The following TMEM240 variants were observed in gnomAD, a reference collection of about 807,000 sequenced individuals.
TMEM240 encodes the protein transmembrane protein 240, also known as transmembrane protein C1orf70.
In TMEM240, 3 loss-of-function variants were observed where a neutral mutation model predicts 19.5. The observed-to-expected ratio is 0.15, with a 90% CI of 0.07 to 0.40. The LOEUF is 0.40. Among genes scored for constraint, TMEM240 ranks in the 10% least tolerant of loss-of-function variants. The probability of loss-of-function intolerance (pLI) is 1.00; values close to 1 mark genes in which losing one functional copy is unlikely to be tolerated. For missense variants in TMEM240, 210 were observed against 253.5 expected (o/e 0.83, Z 1.17); for synonymous variants, 123 against 109.3 (o/e 1.13, Z -0.78).
At position 1,536,163 on chromosome 1, in the gene TMEM240, G is replaced by A. The variant is rs1195239892; in HGVS notation, c.165-366C>T. Among the ~76,000 whole-genome samples, 1 of 152,074 alleles carries A rather than the reference G, an allele frequency of 6.6e-6. No individual in the cohort carries two copies. Among genetic ancestry groups the A allele is most frequent in the Non-Finnish European group, 1.5e-5 (1 of 67,970 alleles). ...TCCCCCGGAGGGGGCTCAGGACGGCGGTCCCCACGGCCAGGGTCACAGCTC... is the reference window on the plus strand; with the variant it reads ...TCCCCCGGAGGGGGCTCAGGACGGCAGTCCCCACGGCCAGGGTCACAGCTC... On this transcript the variant is annotated intron_variant, in intron 2 of 3. Transcript: ENST00000378733. The surrounding 1 kb of genome is among the most constrained non-coding windows in gnomAD (Gnocchi z 5.4).
chr1:1,539,629 C>G, intron 2 of TMEM240, 55 bp downstream of exon 2: 1 of 1,478,640 alleles, frequency 6.8e-7, no homozygotes, highest in African/African-American at 1.4e-5. Flanking sequence ...CCCGAGTGGG[C>G]CCCGCCACAC....
Position 1,535,096 on chromosome 1 carries a change from G to A in TMEM240, c.*263C>T, listed in dbSNP as rs1223188092. 10 of 81,550 alleles carry A rather than the reference G, an allele frequency of 1.2e-4. No individual in the cohort carries two copies. The highest frequency in any genetic ancestry group is 7.1e-4 in the South Asian group (3 of 4,200). The allele number at this position is 81,550 out of a possible 1,614,324, so 5.1% of individuals were successfully genotyped here. A position where few individuals can be genotyped will look rare whatever the true frequency, so the allele number is the denominator to read the frequency against. ...AGGACCCTCCCTGCCCCCCAGCACC[G>A]CTGGGGATGAGTCCGCCCTTGTGTC... On this transcript the variant is annotated 3_prime_UTR_variant, in exon 4 of 4. Coordinates refer to ENST00000378733, the MANE Select transcript of TMEM240 (RefSeq NM_001114748.2). This position sits in a 1 kb window ranked among gnomAD's most constrained non-coding sequence, Gnocchi z 8.2.
At position 1,535,466 on chromosome 1, in the gene TMEM240, C is replaced by G. The variant is rs1481467751; in HGVS notation, c.415G>C (p.Glu139Gln). 1 of 1,548,890 alleles carries G rather than the reference C, an allele frequency of 6.5e-7. No individual in the cohort carries two copies. Among genetic ancestry groups the G allele is most frequent in the East Asian group, 2.4e-5 (1 of 40,856 alleles). Reference sequence around the variant, plus strand: ...GGCCTGTGCGGCCGCCGGCCCAGCTCCCGCAGGCTGCACAGCTTGGGCAGC... The same window carrying G: ...GGCCTGTGCGGCCGCCGGCCCAGCTGCCGCAGGCTGCACAGCTTGGGCAGC... The part of the protein sequence containing the change: ...TWLPKLCSLR[E>Q]LGRRPHRPFE... The change falls in exon 4 of 4, where the codon GAG becomes CAG. Residue 139 changes from glutamate to glutamine, a missense_variant. Around this residue, in one of 3 missense-constraint regions of TMEM240, gnomAD observed 157 missense variants for 168.2 expected, o/e 0.93. Transcript: ENST00000378733. The surrounding 1 kb of genome is among the most constrained non-coding windows in gnomAD (Gnocchi z 8.2).
rs570042280 is a variant in TMEM240 at position 1,536,777 on chromosome 1, C to G, written c.165-980G>C. ...CTGGGAGTGGAGCCCGCGGGCCCCA[C>G]GCGCCTTGCGGTCCACACTCCTGGC... is the stretch of plus-strand genomic sequence containing the variant. On this transcript the variant is annotated intron_variant, in intron 2 of 3. Coordinates refer to ENST00000378733, the MANE Select transcript of TMEM240 (RefSeq NM_001114748.2). This position sits in a 1 kb window ranked among gnomAD's most constrained non-coding sequence, Gnocchi z 5.4. Among the ~76,000 whole-genome samples the G allele has an allele frequency of 6.6e-6, 1 of 152,154 alleles. No individual in the cohort carries two copies. The highest frequency in any genetic ancestry group is 1.9e-4 in the East Asian group (1 of 5,176).
Position 1,535,451 on chromosome 1 carries a change from G to T in TMEM240, c.430C>A (p.Pro144Thr). ...LCSLRELGRRPHRPFEEAAGN... is the reference protein window; with the variant it reads ...LCSLRELGRRTHRPFEEAAGN... ...GCGGCCTCCTCGAAGGGCCTGTGCG[G>T]CCGCCGGCCCAGCTCCCGCAGGCTG... The change falls in exon 4 of 4, where the codon CCG becomes ACG. Residue 144 changes from proline to threonine, a missense_variant. Coordinates refer to ENST00000378733, the MANE Select transcript of TMEM240 (RefSeq NM_001114748.2). The surrounding 1 kb of genome is among the most constrained non-coding windows in gnomAD (Gnocchi z 8.2). The T allele has an allele frequency of 6.5e-7, 1 of 1,548,946 alleles. No homozygotes were observed. Among genetic ancestry groups the T allele is most frequent in the Middle Eastern group, 1.7e-4 (1 of 5,986 alleles).
rs1190976643 is a variant in TMEM240 at position 1,535,429 on chromosome 1, G to T, written c.452C>A (p.Ala151Asp). ...CTTCACGTGTACCATGTTCCCGGCG[G>T]CCTCCTCGAAGGGCCTGTGCGGCCG... is the stretch of plus-strand genomic sequence containing the variant. Reference protein sequence around the residue: ...GRRPHRPFEEAAGNMVHVKQK... With the variant: ...GRRPHRPFEEDAGNMVHVKQK... Residue 151 changes from alanine (A) to aspartate (D), a missense_variant, in exon 4 of 4, where the codon GCC (alanine) becomes GAC (aspartate). Physicochemically the swap from Ala to Asp is moderately radical, Grantham distance 126. Around this residue, in one of 3 missense-constraint regions of TMEM240, gnomAD observed 157 missense variants for 168.2 expected, o/e 0.93. Coordinates refer to ENST00000378733, the MANE Select transcript of TMEM240 (RefSeq NM_001114748.2). The surrounding 1 kb of genome is among the most constrained non-coding windows in gnomAD (Gnocchi z 8.2). The T allele has an allele frequency of 6.5e-7, 1 of 1,549,702 alleles. No individual in the cohort carries two copies. Among genetic ancestry groups the T allele is most frequent in the Non-Finnish European group, 8.7e-7 (1 of 1,146,526 alleles).
chr1:1,539,546 T>A, intron 2 of TMEM240, 138 bp downstream of exon 2: 1 of 720,154 alleles, frequency 1.4e-6, no homozygotes, highest in Admixed American at 2.5e-5. Context: ...AGACAGCTCC[T>A]CCCCCTGCGC....
chr1:1,536,021 G>C lies in TMEM240; in HGVS notation c.165-224C>G, dbSNP rs901351558. On this transcript the variant is annotated intron_variant, in intron 2 of 3. Transcript: ENST00000378733. The surrounding 1 kb of genome is among the most constrained non-coding windows in gnomAD (Gnocchi z 5.4). ...TCAGTGGCCATGGGCTGTGGAGGCC[G>C]AGCGTGAAGTCCGGGCAGACAGCGG... Among the ~76,000 whole-genome samples the C allele has an allele frequency of 6.6e-6, 1 of 152,102 alleles. No homozygotes were observed. Among genetic ancestry groups the C allele is most frequent in the East Asian group, 1.9e-4 (1 of 5,180 alleles).
Position 1,536,696 on chromosome 1 carries a change from G to C in TMEM240, c.165-899C>G, listed in dbSNP as rs899666564. Among the ~76,000 whole-genome samples the C allele has an allele frequency of 6.6e-6, 1 of 152,062 alleles. No homozygotes were observed. Among genetic ancestry groups the C allele is most frequent in the African/African-American group, 2.4e-5 (1 of 41,434 alleles). Reference sequence around the variant, plus strand: ...AAGGTCTCCGGGCCTTGACTCTGCCGATCGGACTGGCATCCCAGACAGTCA... The same window carrying C: ...AAGGTCTCCGGGCCTTGACTCTGCCCATCGGACTGGCATCCCAGACAGTCA... On this transcript the variant is annotated intron_variant, in intron 2 of 3. Coordinates refer to ENST00000378733, the MANE Select transcript of TMEM240 (RefSeq NM_001114748.2). This position sits in a 1 kb window ranked among gnomAD's most constrained non-coding sequence, Gnocchi z 5.4.
At position 1,535,240 on chromosome 1, in the gene TMEM240, C is replaced by T; in HGVS notation, c.*119G>A. The T allele has an allele frequency of 4.0e-6, 5 of 1,242,234 alleles. No homozygotes were observed. The highest frequency in any genetic ancestry group is 5.5e-6 in the Non-Finnish European group (5 of 910,134). The allele number at this position is 1,242,234 out of a possible 1,614,324, so 77.0% of individuals were successfully genotyped here. A position where few individuals can be genotyped will look rare whatever the true frequency, so the allele number is the denominator to read the frequency against. ...TGGACTCTCCCGGCCGGCCACAGCCCCGGACAACCTGGGCCCAGGGCTGCT... is the reference window on the plus strand; with the variant it reads ...TGGACTCTCCCGGCCGGCCACAGCCTCGGACAACCTGGGCCCAGGGCTGCT... On this transcript the variant is annotated 3_prime_UTR_variant, in exon 4 of 4. Transcript: ENST00000378733. The surrounding 1 kb of genome is among the most constrained non-coding windows in gnomAD (Gnocchi z 8.2).
chr1:1,538,739 T>C lies in TMEM240; in HGVS notation c.164+945A>G, dbSNP rs552750719. Among the ~76,000 whole-genome samples, 10 of 152,370 alleles carry C rather than the reference T, an allele frequency of 6.6e-5. No individual in the cohort carries two copies. The South Asian group carries it at 1.9e-3, about 28-fold the overall frequency. On this transcript the variant is annotated intron_variant, in intron 2 of 3. Transcript: ENST00000378733. The stretch of plus-strand genomic sequence containing the variant: ...GACACGCCTGCTGCACCCATAGGCA[T>C]GTCACACGCTTAGCAACACATGCAG...
At position 1,538,392 on chromosome 1, in the gene TMEM240, G is replaced by C. The variant is rs1000385463; in HGVS notation, c.164+1292C>G. Among the ~76,000 whole-genome samples the C allele has an allele frequency of 3.9e-5, 6 of 152,366 alleles. 1 individual carries two copies. The East Asian group carries it at 7.7e-4, about 20-fold the overall frequency. On this transcript the variant is annotated intron_variant, in intron 2 of 3. Coordinates refer to ENST00000378733, the MANE Select transcript of TMEM240 (RefSeq NM_001114748.2). Reference sequence around the variant, plus strand: ...CGGCATGAGCCGCCCTACATGCCCTGTGCAAATACTCTAAGGCGCCTCTGC... The same window carrying C: ...CGGCATGAGCCGCCCTACATGCCCTCTGCAAATACTCTAAGGCGCCTCTGC...
intron 2 of TMEM240, among the ~76,000 whole-genome samples, chr1:1,538,701 C>T (rs897661584): frequency 6.6e-5 from 10 of 152,246 alleles, no homozygotes; most frequent in Non-Finnish European, 1.0e-4. Flanking sequence ...CTCTAACACC[C>T]GTGTTCTTCA....
Position 1,535,722 on chromosome 1 carries a change from C to T in TMEM240, c.240G>A (p.Thr80=), listed in dbSNP as rs371009717. Reference sequence around the variant, plus strand: ...CGATCTCCTGCTTGGTCACACTGTCCGTCACAAAGTAGTTCTCGGAGGCGT... The same window carrying T: ...CGATCTCCTGCTTGGTCACACTGTCTGTCACAAAGTAGTTCTCGGAGGCGT... ...VVDASENYFV[T]DSVTKQEIDL... is the part of the protein sequence containing the mutation. The change falls in exon 3 of 4, where the codon ACG becomes ACA. Residue 80 remains threonine, a synonymous_variant. Transcript: ENST00000378733. The surrounding 1 kb of genome is among the most constrained non-coding windows in gnomAD (Gnocchi z 8.2). 384 of 1,550,464 alleles carry T rather than the reference C, an allele frequency of 2.5e-4. 4 individuals carry two copies. The Middle Eastern group carries it at 2.8e-3, about 11-fold the overall frequency.
intron 2 of TMEM240, among the ~76,000 whole-genome samples, chr1:1,537,180 T>G (rs1203158742): frequency 6.6e-6 from 1 of 151,914 alleles, no homozygotes; most frequent in Non-Finnish European, 1.5e-5. Flanking sequence ...CACGCTCCCC[T>G]TGAAGCCCTC....
rs1024932990 is a variant in TMEM240, at chr1:1,535,323, G to A, written c.*36C>T. On this transcript the variant is annotated 3_prime_UTR_variant, in exon 4 of 4. Transcript: ENST00000378733. This position sits in a 1 kb window ranked among gnomAD's most constrained non-coding sequence, Gnocchi z 8.2. ...TCCCTTTTACATCTGTACAGCAGCC[G>A]GTTGGCTCGGTGGCCCCGGTAAGTC... 4.8e-5 allele frequency: 74 copies of A among 1,545,374 alleles called. No homozygotes were observed. The highest frequency in any genetic ancestry group is 1.7e-4 in the East Asian group (7 of 40,616).
In TMEM240 at chr1:1,535,285, G is replaced by C; in HGVS notation, c.*74C>G. ...GCTGCTGTCCAGTCCCGCCGGCCCG[G>C]GCGTCCACGAGGTCCCTTTTACATC... On this transcript the variant is annotated 3_prime_UTR_variant, in exon 4 of 4. Coordinates refer to ENST00000378733, the MANE Select transcript of TMEM240 (RefSeq NM_001114748.2). This position sits in a 1 kb window ranked among gnomAD's most constrained non-coding sequence, Gnocchi z 8.2. The C allele has an allele frequency of 6.7e-7, 1 of 1,501,136 alleles. No individual in the cohort carries two copies. The highest frequency in any genetic ancestry group is 9.0e-7 in the Non-Finnish European group (1 of 1,117,220). The allele number at this position is 1,501,136 out of a possible 1,614,324, so 93.0% of individuals were successfully genotyped here.
At chr1:1,539,550 C>G (rs900557916) in intron 2 of TMEM240, 134 bp downstream of exon 2, 2 of 743,918 alleles carry the variant, frequency 2.7e-6, no homozygotes, top group Non-Finnish European at 4.4e-6. Flanking sequence ...AGCTCCTCCC[C>G]CTGCGCACCT....
Position 1,540,417 on chromosome 1 carries a change from G to A in TMEM240, c.-71C>T, listed in dbSNP as rs1016330624. 4.3e-5 allele frequency: 26 copies of A among 600,876 alleles called. No homozygotes were observed. The highest frequency in any genetic ancestry group is 5.7e-5 in the Non-Finnish European group (26 of 459,230). 37.2% of individuals were successfully genotyped at this position (600,876 alleles called of 1,614,324 possible). ...GCCCCCCCGGCCCCGGCCCGATGCTGAGCCCCCGCCGCCTCCGCAGAGGTC... is the reference window on the plus strand; with the variant it reads ...GCCCCCCCGGCCCCGGCCCGATGCTAAGCCCCCGCCGCCTCCGCAGAGGTC... On this transcript the variant is annotated 5_prime_UTR_variant, in exon 1 of 4. Coordinates refer to ENST00000378733, the MANE Select transcript of TMEM240 (RefSeq NM_001114748.2).
Sources: gnomAD v4.1 joint callset for allele counts (sites outside exome capture counted in the v4.1 genomes callset) on GRCh38, gnomAD v4.1.1 for gene constraint, gnomAD v4.1.1 regional missense constraint, Gnocchi (gnomAD v3.1) non-coding constraint, MANE v1.5 for transcripts, NCBI Gene and HGNC (gene_info 2026-07-23, HGNC 2026-07-21) for gene names.